The following ADGRB3 variants were observed in gnomAD, a reference collection of about 807,000 sequenced individuals.
ADGRB3 encodes the protein brain-specific angiogenesis inhibitor 3.
In ADGRB3, 37 loss-of-function variants were observed where a neutral mutation model predicts 193.4. The observed-to-expected ratio is 0.19, with a 90% CI of 0.15 to 0.25. The LOEUF (loss-of-function observed/expected upper bound fraction) is 0.25, where lower values mean the gene tolerates loss of function less well. Among genes scored for constraint, ADGRB3 ranks in the 10% least tolerant of loss-of-function variants. The pLI, the probability that ADGRB3 is intolerant of heterozygous loss-of-function variation, is 1.00. For missense variants in ADGRB3, 1,637 were observed against 1,852.9 expected (o/e 0.88, Z 2.14); for synonymous variants, 690 against 644.2 (o/e 1.07, Z -1.08).
chr6:68,926,827 A>G (rs933845903), intron 3 of ADGRB3, among the ~76,000 whole-genome samples: 12 of 152,154 alleles, frequency 7.9e-5, no homozygotes, highest in African/African-American at 2.9e-4. Context: ...ATAACTGATA[A>G]TTGACTATCA....
chr6:69,312,149 A>G (rs114390333), intron 20 of ADGRB3, among the ~76,000 whole-genome samples: 1,620 of 151,846 alleles, frequency 0.011, 23 homozygotes, highest in African/African-American at 0.037. Context: ...AATCTGGGAA[A>G]GAGTGAGCGA....
chr6:69,285,675 A>G (rs182368024), intron 20 of ADGRB3, among the ~76,000 whole-genome samples: 360 of 152,144 alleles, frequency 2.4e-3, no homozygotes, highest in Admixed American at 6.4e-3. Flanking sequence ...CATCTTAAAA[A>G]TAAATAAATA....
chr6:68,933,863 A>C (rs941242296), intron 4 of ADGRB3, among the ~76,000 whole-genome samples: 2 of 152,152 alleles, frequency 1.3e-5, no homozygotes, highest in Non-Finnish European at 1.5e-5. Flanking sequence ...TTTAATTGCA[A>C]TGCTTTTCCA....
intron 17 of ADGRB3, chr6:69,233,018 A>G: frequency 2.2e-6 from 1 of 454,478 alleles, no homozygotes. Context: ...TTCCTCGCAT[A>G]GGGCTGGACA....
chr6:68,855,932 C>T (rs978872331), intron 3 of ADGRB3, among the ~76,000 whole-genome samples: 1 of 152,120 alleles, frequency 6.6e-6, no homozygotes, highest in African/African-American at 2.4e-5. Flanking sequence ...CTTGCAGCTC[C>T]CATAATTCCC....
chr6:69,149,074 A>G (rs757572018), intron 17 of ADGRB3, among the ~76,000 whole-genome samples: 12 of 152,024 alleles, frequency 7.9e-5, no homozygotes, highest in Non-Finnish European at 1.6e-4. Context: ...GAATATTGAT[A>G]TTTTTCACTA....
At chr6:69,217,981 A>T (rs906616845) in intron 17 of ADGRB3, among the ~76,000 whole-genome samples, 1 of 151,738 alleles carries the variant, frequency 6.6e-6, no homozygotes, top group Non-Finnish European at 1.5e-5. Flanking sequence ...CAAAGCTCTC[A>T]TATCTGGGAG....
At chr6:68,758,976 C>G (rs770056500) in intron 3 of ADGRB3, among the ~76,000 whole-genome samples, 2 of 152,096 alleles carry the variant, frequency 1.3e-5, no homozygotes, top group Non-Finnish European at 2.9e-5. Context: ...CACACAATTT[C>G]AAGAGCACTT....
intron 16 of ADGRB3, among the ~76,000 whole-genome samples, chr6:69,064,313 C>CTAT (rs1301274345): frequency 6.6e-6 from 1 of 151,522 alleles, no homozygotes; most frequent in African/African-American, 2.4e-5. Flanking sequence ...ACTATTTAAA[C>CTAT]TATTTAACTT....
intron 29 of ADGRB3, among the ~76,000 whole-genome samples, chr6:69,364,887 G>A (rs1452163628): frequency 6.6e-6 from 1 of 152,050 alleles, no homozygotes; most frequent in Non-Finnish European, 1.5e-5. Context: ...TTGAGCAAGA[G>A]GGGACAAAAG....
intron 3 of ADGRB3, among the ~76,000 whole-genome samples, chr6:68,683,354 TATC>T (rs1485930370): frequency 6.6e-6 from 1 of 152,138 alleles, no homozygotes; most frequent in African/African-American, 2.4e-5. Context: ...TAAATTATGA[TATC>T]ATAAGATAAG....
In ADGRB3 at chr6:69,044,122, C is replaced by T. The variant is rs575103283; in HGVS notation, c.2108-4063C>T. Reference sequence around the variant, plus strand: ...GTAAAATCTAGGATAAATGCTTACCCTAAAAAATCAGGGATTTGAATATTG... The same window carrying T: ...GTAAAATCTAGGATAAATGCTTACCTTAAAAAATCAGGGATTTGAATATTG... On this transcript the variant is annotated intron_variant, in intron 13 of 31. Transcript: ENST00000370598. 2.6e-5 allele frequency among the ~76,000 whole-genome samples: 4 copies of T among 152,292 alleles called. No individual in the cohort carries two copies. In the East Asian group the frequency reaches 7.7e-4, roughly 29 times the overall value.
intron 20 of ADGRB3, among the ~76,000 whole-genome samples, chr6:69,277,028 G>C (rs933451260): frequency 7.4e-6 from 1 of 135,976 alleles, no homozygotes; most frequent in Non-Finnish European, 1.5e-5. Flanking sequence ...ATGGAGTCTC[G>C]CTCTGTCACC....
chr6:68,833,487 T>G (rs1308321511), intron 3 of ADGRB3, among the ~76,000 whole-genome samples: 1 of 151,022 alleles, frequency 6.6e-6, no homozygotes, highest in Admixed American at 6.7e-5. Context: ...ATCATTGAAC[T>G]AAAATGTTAT....
chr6:68,762,306 G>C (rs1436769539), intron 3 of ADGRB3, among the ~76,000 whole-genome samples: 1 of 151,608 alleles, frequency 6.6e-6, no homozygotes, highest in Non-Finnish European at 1.5e-5. Flanking sequence ...TTGTAATCTG[G>C]AGTTAAATGA....
chr6:69,162,804 T>C (rs1429299236), intron 17 of ADGRB3, among the ~76,000 whole-genome samples: 1 of 152,122 alleles, frequency 6.6e-6, no homozygotes, highest in East Asian at 1.9e-4. Flanking sequence ...ATTTTTTGCA[T>C]GGGAGTACAT....
chr6:69,185,176 T>C (rs1765043103), intron 17 of ADGRB3, among the ~76,000 whole-genome samples: 1 of 152,142 alleles, frequency 6.6e-6, no homozygotes, highest in South Asian at 2.1e-4. Context: ...GTTTTGAGTT[T>C]AATGAAAATT....
At chr6:69,186,737 C>G (rs1765079009) in intron 17 of ADGRB3, among the ~76,000 whole-genome samples, 1 of 151,956 alleles carries the variant, frequency 6.6e-6, no homozygotes, top group South Asian at 2.1e-4. Context: ...CAACACCAAC[C>G]TGAATTTCAG....
intron 6 of ADGRB3, among the ~76,000 whole-genome samples, chr6:68,952,602 A>G (rs1033121976): frequency 6.6e-6 from 1 of 152,190 alleles, no homozygotes; most frequent in African/African-American, 2.4e-5. Context: ...TACATATGTA[A>G]CAAACCTGCA....
Sources: gnomAD v4.1 joint callset for allele counts (sites outside exome capture counted in the v4.1 genomes callset) on GRCh38, gnomAD v4.1.1 for gene constraint, MANE v1.5 for transcripts, NCBI Gene and HGNC (gene_info 2026-07-23, HGNC 2026-07-21) for gene names.